SHISA5: variants seen among roughly 807,000 people sequenced by gnomAD.
The protein encoded by SHISA5 is shisa family member 5.
Under a neutral mutation model 27.5 loss-of-function variants are expected in SHISA5, and 21 were observed. That is an observed-to-expected ratio of 0.76 (90% confidence interval 0.54 to 1.10). The LOEUF is 1.10. Ranked by LOEUF, SHISA5 falls within the 50% of genes least tolerant of loss-of-function variation. The pLI is 0.00. For missense variants in SHISA5, 314 were observed against 336.3 expected (o/e 0.93, Z 0.52); for synonymous variants, 137 against 142.2 (o/e 0.96, Z 0.26).
chr3:48,491,219 C>T (rs1051591824), intron 2 of SHISA5, among the ~76,000 whole-genome samples: 1 of 151,888 alleles, frequency 6.6e-6, no homozygotes, highest in African/African-American at 2.4e-5. Context: ...CCCAGGTTCA[C>T]GCCATTCTCC....
At position 48,473,032 on chromosome 3, in the gene SHISA5, C is replaced by A. The variant is rs1208007598; in HGVS notation, c.315-3189G>T. The A allele has an allele frequency of 1.0e-5, 16 of 1,535,916 alleles. No individual in the cohort carries two copies. Among genetic ancestry groups the A allele is most frequent in the Non-Finnish European group, 1.4e-5 (16 of 1,146,862 alleles). The stretch of plus-strand genomic sequence containing the variant: ...CACCCCATGTTAGCCTCTGCCTTCA[C>A]CCAGAGGCCTCCTGTACCCCTGGGC... On this transcript the variant is annotated intron_variant, in intron 3 of 5. Transcript: ENST00000296444. This position sits in a 1 kb window ranked among gnomAD's most constrained non-coding sequence, Gnocchi z 4.3.
Position 48,468,097 on chromosome 3 carries a change from G to A in SHISA5, c.*1010C>T, listed in dbSNP as rs1336836736. On this transcript the variant is annotated 3_prime_UTR_variant, in exon 6 of 6. Coordinates refer to ENST00000296444, the MANE Select transcript of SHISA5 (RefSeq NM_016479.6). ...TGCTGCCAGAACACCGTGGACTGGG[G>A]TACAGGAGTTGTTGCATATTCCATG... The A allele has an allele frequency of 1.0e-6, 1 of 961,980 alleles. No individual in the cohort carries two copies. Among genetic ancestry groups the A allele is most frequent in the Non-Finnish European group, 1.3e-6 (1 of 798,874 alleles). 59.6% of individuals were successfully genotyped at this position (961,980 alleles called of 1,614,324 possible). A position where few individuals can be genotyped will look rare whatever the true frequency, so the allele number is the denominator to read the frequency against.
chr3:48,471,973 A>T (rs1272262371), intron 3 of SHISA5, among the ~76,000 whole-genome samples: 1 of 151,936 alleles, frequency 6.6e-6, no homozygotes, highest in Admixed American at 6.6e-5. Context: ...GCTTGAGGTC[A>T]GGAGTTCTAG....
chr3:48,476,628 C>T (rs1431905968), intron 3 of SHISA5, among the ~76,000 whole-genome samples: 1 of 152,182 alleles, frequency 6.6e-6, no homozygotes, highest in Non-Finnish European at 1.5e-5. Context: ...GGGACCCAGA[C>T]AGGCAGCCAC....
At position 48,473,048 on chromosome 3, in the gene SHISA5, A is replaced by G. The variant is rs756845591; in HGVS notation, c.315-3205T>C. On this transcript the variant is annotated intron_variant, in intron 3 of 5. Transcript: ENST00000296444. The surrounding 1 kb of genome is among the most constrained non-coding windows in gnomAD (Gnocchi z 4.3). The stretch of plus-strand genomic sequence containing the variant: ...CTGCCTTCACCCAGAGGCCTCCTGT[A>G]CCCCTGGGCTTTCCCCTCTTCCCAT... 17 of 1,531,710 alleles carry G rather than the reference A, an allele frequency of 1.1e-5. No individual in the cohort carries two copies. The South Asian group carries it at 1.8e-4, about 16-fold the overall frequency. 94.9% of individuals were successfully genotyped at this position (1,531,710 alleles called of 1,614,324 possible). A position where few individuals can be genotyped will look rare whatever the true frequency, so the allele number is the denominator to read the frequency against.
chr3:48,487,130 G>GCACA (rs34974602), intron 2 of SHISA5, among the ~76,000 whole-genome samples: 24 of 148,312 alleles, frequency 1.6e-4, no homozygotes, highest in East Asian at 1.4e-3. Context: ...ACACGCACAC[G>GCACA]CACACACACA....
At chr3:48,502,223 C>T (rs1345228293) in intron 1 of SHISA5, 2 of 357,136 alleles carry the variant, frequency 5.6e-6, no homozygotes, top group Non-Finnish European at 1.1e-5. Flanking sequence ...GCAACCTCAG[C>T]CCCTGCTGGG....
chr3:48,475,775 G>A (rs1374766213), intron 3 of SHISA5, among the ~76,000 whole-genome samples: 1 of 152,222 alleles, frequency 6.6e-6, no homozygotes, highest in African/African-American at 2.4e-5. Flanking sequence ...GCAAGGAGCT[G>A]GGAAGAGGAC....
At chr3:48,481,518 T>G (rs964581171) in intron 2 of SHISA5, among the ~76,000 whole-genome samples, 1 of 150,900 alleles carries the variant, frequency 6.6e-6, no homozygotes, top group African/African-American at 2.5e-5. Context: ...GTGGCCAGGT[T>G]GGTGGCTCAC....
intron 2 of SHISA5, among the ~76,000 whole-genome samples, chr3:48,497,435 G>A (rs1440030030): frequency 2.7e-5 from 4 of 149,736 alleles, no homozygotes; most frequent in Non-Finnish European, 4.4e-5. Context: ...GCTAATTTTT[G>A]TATTTTTAGT....
intron 2 of SHISA5, among the ~76,000 whole-genome samples, chr3:48,485,449 C>T (rs1038896288): frequency 1.3e-5 from 2 of 149,590 alleles, no homozygotes; most frequent in Non-Finnish European, 3.0e-5. Flanking sequence ...GAGCCAAGAT[C>T]GTGCCATTGC....
At chr3:48,492,150 C>CA (rs1169630533) in intron 2 of SHISA5, among the ~76,000 whole-genome samples, 298 of 18,918 alleles carry the variant, frequency 0.016, 120 homozygotes, top group Non-Finnish European at 0.026. Context: ...GACTCCATCT[C>CA]AAAAAAAAAA....
intron 2 of SHISA5, 149 bp downstream of exon 2, chr3:48,500,988 A>C: frequency 4.6e-6 from 4 of 861,440 alleles, no homozygotes; most frequent in South Asian, 3.6e-5. Context: ...AGCCCAGAAC[A>C]GGGGATCCCT....
chr3:48,487,278 T>C (rs566888269), intron 2 of SHISA5, among the ~76,000 whole-genome samples: 2 of 152,348 alleles, frequency 1.3e-5, no homozygotes, highest in South Asian at 2.1e-4. Flanking sequence ...GCCCTGTCTA[T>C]GCCTCCATTT....
intron 3 of SHISA5, among the ~76,000 whole-genome samples, chr3:48,472,365 AC>A (rs775882110): frequency 2.7e-5 from 4 of 150,066 alleles, no homozygotes; most frequent in Admixed American, 2.7e-4. Flanking sequence ...GCGTGGTGGC[AC>A]GTGCCTGTGG....
At position 48,469,432 on chromosome 3, in the gene SHISA5, T is replaced by A; in HGVS notation, c.572A>T (p.Tyr191Phe). 6.2e-7 allele frequency: 1 copy of A among 1,613,028 alleles called. No homozygotes were observed. The highest frequency in any genetic ancestry group is 1.1e-5 in the South Asian group (1 of 90,900). Residue 191 changes from tyrosine (Y) to phenylalanine (F), a missense_variant, in exon 5 of 6, where the codon TAC becomes TTC. Coordinates refer to ENST00000296444, the MANE Select transcript of SHISA5 (RefSeq NM_016479.6). The surrounding 1 kb of genome is among the most constrained non-coding windows in gnomAD (Gnocchi z 4.6). ...PPQPGMPAAP[Y>F]PMQYPPPYPA... ...GTAAGGTGGTGGGTACTGCATTGGGTAGGGTGCTGCTGGCATCCCTGGCTG... is the reference window on the plus strand; with the variant it reads ...GTAAGGTGGTGGGTACTGCATTGGGAAGGGTGCTGCTGGCATCCCTGGCTG...
chr3:48,467,908 A>G lies in SHISA5; in HGVS notation c.*1199T>C, dbSNP rs191305537. On this transcript the variant is annotated 3_prime_UTR_variant, in exon 6 of 6. Transcript: ENST00000296444. Reference sequence around the variant, plus strand: ...GATTGCATTTATTATAAACAAGTGTACAGACCCTAGACTCAGAAACACAAC... The same window carrying G: ...GATTGCATTTATTATAAACAAGTGTGCAGACCCTAGACTCAGAAACACAAC... The G allele has an allele frequency of 4.7e-6, 2 of 428,698 alleles. No individual in the cohort carries two copies. The highest frequency in any genetic ancestry group is 4.7e-5 in the East Asian group (1 of 21,302). 26.6% of individuals were successfully genotyped at this position (428,698 alleles called of 1,614,324 possible). A position where few individuals can be genotyped will look rare whatever the true frequency, so the allele number is the denominator to read the frequency against.
chr3:48,499,404 C>T (rs1553830385), intron 2 of SHISA5, among the ~76,000 whole-genome samples: 1 of 152,060 alleles, frequency 6.6e-6, no homozygotes, highest in Admixed American at 6.6e-5. Flanking sequence ...TACCATCAGG[C>T]GCGGTGGCTC....
In SHISA5 at chr3:48,468,723, A is replaced by T. The variant is rs2040454301; in HGVS notation, c.*384T>A. On this transcript the variant is annotated 3_prime_UTR_variant, in exon 6 of 6. Transcript: ENST00000296444. ...CAGAAAGCTGCGCCACCCTGGTGTG[A>T]CAGGCCCTACTTGGTCACCCTAGGG... 7.6e-7 allele frequency: 1 copy of T among 1,312,524 alleles called. No individual in the cohort carries two copies. Among genetic ancestry groups the T allele is most frequent in the African/African-American group, 1.5e-5 (1 of 66,964 alleles). The allele number at this position is 1,312,524 out of a possible 1,614,324, so 81.3% of individuals were successfully genotyped here.
Sources: allele counts gnomAD v4.1 joint callset (sites outside exome capture counted in the v4.1 genomes callset), GRCh38; gene constraint gnomAD v4.1.1; non-coding constraint Gnocchi (gnomAD v3.1); transcripts MANE v1.5; gene names NCBI Gene and HGNC (gene_info 2026-07-23, HGNC 2026-07-21).